The following HORMAD2 variants were observed in gnomAD, a reference collection of about 807,000 sequenced individuals.
The protein encoded by HORMAD2 is HORMA domain containing 2, also known as HORMA domain-containing protein 2.
Under a neutral mutation model 38.8 loss-of-function variants are expected in HORMAD2, and 45 were observed. The observed-to-expected ratio is 1.16, with a 90% CI of 0.91 to 1.49. HORMAD2 has a LOEUF of 1.49. Ranked by LOEUF, HORMAD2 falls within the 40% of genes most tolerant of loss-of-function variation. The pLI is 0.00. For synonymous variants in HORMAD2, 126 were observed against 122.8 expected (o/e 1.03, Z -0.17); for missense variants, 338 against 367.0 (o/e 0.92, Z 0.65).
At chr22:30,204,589 G>A in the HORMAD2 span, among the ~76,000 whole-genome samples, 1 of 152,204 alleles carries the variant, frequency 6.6e-6, no homozygotes, top group Non-Finnish European at 1.5e-5. Flanking sequence ...TTGCTGGTCA[G>A]AAGCACATTT....
rs752447335 is a variant in HORMAD2, at chr22:30,111,770, A to C, written c.295-26A>C. ...ATATAGGTGCAAGTATGTAATAATA[A>C]TAGTTTTTTTTTCTTTCTCTTGAAG... On this transcript the variant is annotated intron_variant, in intron 5 of 10. Coordinates refer to ENST00000336726, the MANE Select transcript of HORMAD2 (RefSeq NM_152510.4). 32 of 1,504,494 alleles carry C rather than the reference A, an allele frequency of 2.1e-5. No individual in the cohort carries two copies. In the East Asian group the frequency reaches 7.6e-4, roughly 36 times the overall value. The allele number at this position is 1,504,494 out of a possible 1,614,324, so 93.2% of individuals were successfully genotyped here. A position where few individuals can be genotyped will look rare whatever the true frequency, so the allele number is the denominator to read the frequency against.
chr22:30,147,619 A>G (rs1251401616), intron 10 of HORMAD2, among the ~76,000 whole-genome samples: 1 of 152,186 alleles, frequency 6.6e-6, no homozygotes, highest in African/African-American at 2.4e-5. Context: ...GGACTTCATC[A>G]TAATAAAAAA....
At chr22:30,108,693 T>C (rs1281171663) in intron 5 of HORMAD2, among the ~76,000 whole-genome samples, 3 of 152,218 alleles carry the variant, frequency 2.0e-5, no homozygotes, top group African/African-American at 7.2e-5. Flanking sequence ...CTTTGCTATT[T>C]TTTTGTTGTT....
At chr22:30,083,486 C>T (rs990182449) in intron 1 of HORMAD2, among the ~76,000 whole-genome samples, 3 of 152,198 alleles carry the variant, frequency 2.0e-5, no homozygotes, top group Non-Finnish European at 2.9e-5. Flanking sequence ...TGCATGCTCT[C>T]TAGAGTCATA....
the HORMAD2 span, among the ~76,000 whole-genome samples, chr22:30,182,810 T>A: frequency 6.6e-6 from 1 of 152,164 alleles, no homozygotes; most frequent in Non-Finnish European, 1.5e-5. Flanking sequence ...ATGAATAGAT[T>A]AACTCGGTAG....
At chr22:30,202,958 A>G in the HORMAD2 span, among the ~76,000 whole-genome samples, 1 of 152,220 alleles carries the variant, frequency 6.6e-6, no homozygotes, top group Non-Finnish European at 1.5e-5. Context: ...GCTTGGGCCC[A>G]GGGCACGGTC....
At chr22:30,190,286 C>T in the HORMAD2 span, among the ~76,000 whole-genome samples, 1 of 152,212 alleles carries the variant, frequency 6.6e-6, no homozygotes, top group Non-Finnish European at 1.5e-5. Context: ...CTGCAGCAGC[C>T]TCCAGACCAC....
chr22:30,134,437 T>G (rs990102276), intron 10 of HORMAD2, among the ~76,000 whole-genome samples: 1 of 147,410 alleles, frequency 6.8e-6, no homozygotes, highest in African/African-American at 2.5e-5. Flanking sequence ...ACTTAAAGTA[T>G]AATCATAAAT....
At chr22:30,078,610 A>G (rs1450798238), upstream of HORMAD2, among the ~76,000 whole-genome samples, 1 of 142,002 alleles carries the variant, frequency 7.0e-6, no homozygotes, top group African/African-American at 2.6e-5. Flanking sequence ...TGTCTCACAA[A>G]AAAAAAAAAA....
the HORMAD2 span, among the ~76,000 whole-genome samples, chr22:30,205,925 C>T: frequency 6.6e-6 from 1 of 152,172 alleles, no homozygotes; most frequent in African/African-American, 2.4e-5. Context: ...GATACTTTTG[C>T]AGCCTTTGTC....
chr22:30,098,434 T>C (rs1920924581), intron 2 of HORMAD2, among the ~76,000 whole-genome samples: 1 of 152,130 alleles, frequency 6.6e-6, no homozygotes, highest in African/African-American at 2.4e-5. Context: ...TCAGATAATA[T>C]AAAGAAGTTA....
intron 7 of HORMAD2, among the ~76,000 whole-genome samples, chr22:30,117,991 A>G (rs1922172720): frequency 6.6e-6 from 1 of 151,996 alleles, no homozygotes. Flanking sequence ...TAATTTTTGT[A>G]ATTTTCCTAT....
At chr22:30,165,968 C>T (rs976400359) in intron 10 of HORMAD2, among the ~76,000 whole-genome samples, 3 of 149,984 alleles carry the variant, frequency 2.0e-5, no homozygotes, top group Non-Finnish European at 4.4e-5. Context: ...TATTATTATT[C>T]TTTTTCTTTA....
At chr22:30,171,251 A>C (rs1053405393) in intron 10 of HORMAD2, among the ~76,000 whole-genome samples, 1 of 152,172 alleles carries the variant, frequency 6.6e-6, no homozygotes, top group Non-Finnish European at 1.5e-5. Flanking sequence ...TCTCCAACCC[A>C]GACCTCTTTC....
intron 9 of HORMAD2, 63 bp downstream of exon 9, chr22:30,121,852 A>C (rs1922463872): frequency 6.4e-7 from 1 of 1,551,152 alleles, no homozygotes; most frequent in Non-Finnish European, 8.7e-7. Flanking sequence ...CTATAAGTAA[A>C]AGGATTTTGC....
At chr22:30,103,218 G>A (rs965609725) in intron 3 of HORMAD2, among the ~76,000 whole-genome samples, 1 of 152,068 alleles carries the variant, frequency 6.6e-6, no homozygotes, top group Non-Finnish European at 1.5e-5. Flanking sequence ...GTAGAAGGGG[G>A]AAAATCCTTA....
Position 30,122,219 on chromosome 22 carries a change from G to A in HORMAD2, c.819+5G>A. The A allele has an allele frequency of 6.2e-7, 1 of 1,603,894 alleles. No homozygotes were observed. The highest frequency in any genetic ancestry group is 8.5e-7 in the Non-Finnish European group (1 of 1,174,656). ...GAAGAAGAATGCAATGACCATGTAA[G>A]GCAAAGCTTTAGAGATTTTCTATCG... On this transcript the variant is annotated splice_donor_5th_base_variant and intron_variant, in intron 10 of 10. Transcript: ENST00000336726.
At chr22:30,206,961 G>A in the HORMAD2 span, 7 of 410,768 alleles carry the variant, frequency 1.7e-5, no homozygotes, top group Non-Finnish European at 3.6e-5. Flanking sequence ...TCCCCCACCC[G>A]CCCCACTTTC....
chr22:30,175,760 G>T (rs1354342173), intron 10 of HORMAD2, among the ~76,000 whole-genome samples: 2 of 152,082 alleles, frequency 1.3e-5, no homozygotes, highest in African/African-American at 2.4e-5. Flanking sequence ...ATTGCTTCTT[G>T]TTGGCCCCAC....
Sources: gnomAD v4.1 joint callset for allele counts (sites outside exome capture counted in the v4.1 genomes callset) on GRCh38, gnomAD v4.1.1 for gene constraint, MANE v1.5 for transcripts, NCBI Gene and HGNC (gene_info 2026-07-23, HGNC 2026-07-21) for gene names.